SLC38A4: variants seen among roughly 807,000 people sequenced by gnomAD.
SLC38A4 encodes the protein solute carrier family 38 member 4, also known as sodium-coupled neutral amino acid transporter 4.
Under a neutral mutation model 63.1 loss-of-function variants are expected in SLC38A4, and 20 were observed. That is an observed-to-expected ratio of 0.32 (90% CI 0.22 to 0.46). The LOEUF (loss-of-function observed/expected upper bound fraction) is 0.46, where lower values mean the gene tolerates loss of function less well. Among genes scored for constraint, SLC38A4 ranks in the 20% least tolerant of loss-of-function variants. The pLI, the probability that SLC38A4 is intolerant of heterozygous loss-of-function variation, is 1.00. For synonymous variants in SLC38A4, 230 were observed against 225.5 expected (o/e 1.02, Z -0.18); for missense variants, 526 against 663.6 (o/e 0.79, Z 2.28).
rs142542759 is a variant in SLC38A4 at position 46,788,331 on chromosome 12, A to G, written c.210+197T>C. On this transcript the variant is annotated intron_variant, in intron 4 of 16. Coordinates refer to ENST00000266579, the MANE Select transcript of SLC38A4 (RefSeq NM_018018.5). Reference sequence around the variant, plus strand: ...TTAGAATGATTTCCCCCCAAAACACATAAGTTTCATAAATGATTCATGCAG... The same window carrying G: ...TTAGAATGATTTCCCCCCAAAACACGTAAGTTTCATAAATGATTCATGCAG... Among the ~76,000 whole-genome samples the G allele has an allele frequency of 7.9e-4, 121 of 152,318 alleles. 1 individual carries two copies. Among genetic ancestry groups the G allele is most frequent in the African/African-American group, 2.9e-3 (119 of 41,588 alleles).
chr12:46,803,204 A>G (rs1939166064), intron 2 of SLC38A4, among the ~76,000 whole-genome samples: 1 of 152,072 alleles, frequency 6.6e-6, no homozygotes, highest in Admixed American at 6.6e-5. Flanking sequence ...AAAATCTTTA[A>G]TAGTGTAATA....
At chr12:46,772,405 C>A (rs1055080669) in intron 14 of SLC38A4, among the ~76,000 whole-genome samples, 1 of 151,964 alleles carries the variant, frequency 6.6e-6, no homozygotes, top group Non-Finnish European at 1.5e-5. Flanking sequence ...AAATTTTCAT[C>A]TGTGTGTTCA....
chr12:46,801,754 AT>A (rs535128956), intron 2 of SLC38A4, among the ~76,000 whole-genome samples: 191 of 152,210 alleles, frequency 1.3e-3, no homozygotes, highest in African/African-American at 4.5e-3. Flanking sequence ...TTTATATTAA[AT>A]TATCTTAATT....
intron 6 of SLC38A4, 69 bp from the exon 7 acceptor site, chr12:46,784,703 A>C (rs1007016454): frequency 2.4e-6 from 3 of 1,252,722 alleles, no homozygotes; most frequent in Non-Finnish European, 3.4e-6. Flanking sequence ...TTGTCATATA[A>C]TTCCATGCTG....
At chr12:46,803,295 G>GTATATT (rs1473220330) in intron 2 of SLC38A4, among the ~76,000 whole-genome samples, 18 of 151,982 alleles carry the variant, frequency 1.2e-4, no homozygotes, top group African/African-American at 4.3e-4. Flanking sequence ...TGATCAACCT[G>GTATATT]GAGATATAAA....
chr12:46,774,847 A>G (rs757533559), intron 14 of SLC38A4, among the ~76,000 whole-genome samples: 1 of 152,040 alleles, frequency 6.6e-6, no homozygotes, highest in Non-Finnish European at 1.5e-5. Flanking sequence ...TTCCTACACT[A>G]TAAAAATACC....
At chr12:46,801,473 G>A (rs1487795111) in intron 2 of SLC38A4, among the ~76,000 whole-genome samples, 1 of 152,158 alleles carries the variant, frequency 6.6e-6, no homozygotes, top group East Asian at 1.9e-4. Flanking sequence ...AAGTGAAAGT[G>A]AAAAAGGGAG....
chr12:46,804,926 T>C (rs2429472), intron 1 of SLC38A4, among the ~76,000 whole-genome samples: 109,920 of 151,786 alleles, frequency 0.72, 40,628 homozygotes, highest in Non-Finnish European at 0.8. Context: ...TAGTGATGTT[T>C]CCAATTTAAG....
At chr12:46,778,137 C>T in intron 12 of SLC38A4, 152 bp downstream of exon 12, 2 of 690,928 alleles carry the variant, frequency 2.9e-6, no homozygotes, top group Non-Finnish European at 4.9e-6. Flanking sequence ...CTGATTCCCA[C>T]CTTTCTGATT....
At chr12:46,788,092 T>C (rs1938801428) in intron 4 of SLC38A4, 61 bp from the exon 5 acceptor site, 2 of 1,258,672 alleles carry the variant, frequency 1.6e-6, no homozygotes, top group Non-Finnish European at 2.3e-6. Flanking sequence ...CTTTAGGGGT[T>C]ATCCTTATTC....
chr12:46,810,203 T>C (rs1256242727), intron 1 of SLC38A4, among the ~76,000 whole-genome samples: 1 of 152,014 alleles, frequency 6.6e-6, no homozygotes, highest in Non-Finnish European at 1.5e-5. Flanking sequence ...AAATGCTGTG[T>C]TCAAGAAAAT....
intron 3 of SLC38A4, 119 bp from the exon 4 acceptor site, chr12:46,788,737 A>G (rs1938818268): frequency 2.3e-6 from 2 of 869,220 alleles, no homozygotes; most frequent in East Asian, 2.6e-5. Context: ...AGACACCCCA[A>G]TTTTCTTTTC....
chr12:46,805,364 A>T (rs1211297196), intron 1 of SLC38A4, among the ~76,000 whole-genome samples: 1 of 152,088 alleles, frequency 6.6e-6, no homozygotes, highest in African/African-American at 2.4e-5. Context: ...AGATATATAC[A>T]CATGAAAACT....
upstream of SLC38A4, among the ~76,000 whole-genome samples, chr12:46,827,891 T>C (rs1350183933): frequency 1.3e-5 from 2 of 152,132 alleles, no homozygotes; most frequent in Non-Finnish European, 2.9e-5. Flanking sequence ...TATGGGGCCA[T>C]AATAAAATAA....
chr12:46,786,588 T>A (rs1394682344), intron 5 of SLC38A4, among the ~76,000 whole-genome samples: 1 of 152,248 alleles, frequency 6.6e-6, no homozygotes, highest in South Asian at 2.1e-4. Flanking sequence ...GAAAGGCAGC[T>A]TTTTTTGTCT....
rs550738171 is a variant in SLC38A4, at chr12:46,775,067, C to G, written c.1281G>C (p.Val427=). ...TACTTACTGGGAAGAGGACAATGGG[C>G]ACAGTTAGTGTTACTGCCACAAGGA... ...LAVLVAVTLT[V]PIVLFPIRTS... The change falls in exon 14 of 17, where the codon GTG becomes GTC. Residue 427 remains valine (V), a synonymous_variant. Transcript: ENST00000266579. 6.2e-7 allele frequency: 1 copy of G among 1,612,452 alleles called. No individual in the cohort carries two copies. Among genetic ancestry groups the G allele is most frequent in the Non-Finnish European group, 8.5e-7 (1 of 1,178,962 alleles).
intron 2 of SLC38A4, among the ~76,000 whole-genome samples, chr12:46,798,410 G>T (rs1939060893): frequency 6.6e-6 from 1 of 152,028 alleles, no homozygotes; most frequent in African/African-American, 2.4e-5. Flanking sequence ...GCACATGTGG[G>T]TCACAGTGAC....
intron 2 of SLC38A4, among the ~76,000 whole-genome samples, chr12:46,797,212 T>A (rs191390525): frequency 1.8e-3 from 269 of 152,246 alleles, no homozygotes; most frequent in Middle Eastern, 6.8e-3. Context: ...GATGGGAAGA[T>A]AGCAAGTAAA....
At chr12:46,792,338 G>T (rs866124912) in intron 3 of SLC38A4, among the ~76,000 whole-genome samples, 3 of 152,134 alleles carry the variant, frequency 2.0e-5, no homozygotes, top group African/African-American at 7.2e-5. Flanking sequence ...GGGCTTTTGA[G>T]TGAGTTGCTA....
Sources: allele counts gnomAD v4.1 joint callset (sites outside exome capture counted in the v4.1 genomes callset), GRCh38; gene constraint gnomAD v4.1.1; transcripts MANE v1.5; gene names NCBI Gene and HGNC (gene_info 2026-07-23, HGNC 2026-07-21).